Variants in GPC6 observed in about 807,000 individuals in gnomAD.
The protein encoded by GPC6 is glypican 6.
Under a neutral mutation model 55.2 loss-of-function variants are expected in GPC6, and 14 were observed. The observed-to-expected ratio is 0.25, with a 90% confidence interval of 0.17 to 0.40. The LOEUF is 0.40. Among genes scored for constraint, GPC6 ranks in the 10% least tolerant of loss-of-function variants. The pLI is 1.00. For missense variants in GPC6, 641 were observed against 708.5 expected (o/e 0.90, Z 1.08); for synonymous variants, 278 against 259.6 (o/e 1.07, Z -0.68).
intron 1 of GPC6, among the ~76,000 whole-genome samples, chr13:93,317,445 A>G (rs1336025653): frequency 6.6e-6 from 1 of 152,130 alleles, no homozygotes; most frequent in Non-Finnish European, 1.5e-5. Context: ...AGTTTGTTGG[A>G]TAACCAGGCG....
intron 2 of GPC6, among the ~76,000 whole-genome samples, chr13:93,806,042 GA>G (rs1246865164): frequency 6.6e-6 from 1 of 152,236 alleles, no homozygotes; most frequent in East Asian, 1.9e-4. Flanking sequence ...TCTCTTTGTA[GA>G]AACCTGTAAA....
chr13:93,316,650 C>A (rs767797782), intron 1 of GPC6, among the ~76,000 whole-genome samples: 2 of 151,998 alleles, frequency 1.3e-5, no homozygotes, highest in Admixed American at 6.6e-5. Flanking sequence ...AATAAAAGAA[C>A]CATCTCTTTA....
chr13:93,738,546 G>A (rs1191649182), intron 2 of GPC6, among the ~76,000 whole-genome samples: 2 of 152,062 alleles, frequency 1.3e-5, no homozygotes, highest in Non-Finnish European at 2.9e-5. Context: ...TCAAAACAGA[G>A]CCAAAGAGAT....
In GPC6 at chr13:93,528,228, C is replaced by T. The variant is rs144484899; in HGVS notation, c.161-17035C>T. 4.0e-3 allele frequency among the ~76,000 whole-genome samples: 612 copies of T among 152,252 alleles called. 3 individuals are homozygous for T. Among genetic ancestry groups the T allele is most frequent in the Non-Finnish European group, 6.7e-3 (455 of 68,014 alleles). The stretch of plus-strand genomic sequence containing the variant: ...GATCTGCTGCTATCAGGAGCAAAAA[C>T]GAGCACTTTGAAAATTAGTTTATTG... On this transcript the variant is annotated intron_variant, in intron 1 of 8. Coordinates refer to ENST00000377047, the MANE Select transcript of GPC6 (RefSeq NM_005708.5).
At chr13:93,428,331 T>C (rs1004380925) in intron 1 of GPC6, among the ~76,000 whole-genome samples, 1 of 152,152 alleles carries the variant, frequency 6.6e-6, no homozygotes, top group Non-Finnish European at 1.5e-5. Flanking sequence ...GGTATTAAAG[T>C]GTGGACACAT....
intron 3 of GPC6, among the ~76,000 whole-genome samples, chr13:93,856,587 T>C (rs553571229): frequency 4.0e-5 from 6 of 151,738 alleles, no homozygotes; most frequent in African/African-American, 1.2e-4. Context: ...ATGCAGTGGG[T>C]AGTTAGTTGG....
intron 1 of GPC6, among the ~76,000 whole-genome samples, chr13:93,465,694 C>T (rs956067742): frequency 4.6e-5 from 7 of 152,132 alleles, no homozygotes; most frequent in African/African-American, 1.2e-4. Context: ...TGTTATTATT[C>T]GTGTGTGCAT....
At chr13:94,092,575 A>G (rs1885527427) in intron 4 of GPC6, among the ~76,000 whole-genome samples, 1 of 152,078 alleles carries the variant, frequency 6.6e-6, no homozygotes, top group Non-Finnish European at 1.5e-5. Flanking sequence ...GGTATTGTGA[A>G]TGGTGCTTTA....
At chr13:94,081,980 A>G (rs7994749) in intron 4 of GPC6, among the ~76,000 whole-genome samples, 4,220 of 151,810 alleles carry the variant, frequency 0.028, 194 homozygotes, top group African/African-American at 0.097. Flanking sequence ...AGCTGGGACT[A>G]CAGGCATCCA....
chr13:93,353,091 T>A (rs929492028), intron 1 of GPC6, among the ~76,000 whole-genome samples: 8 of 152,178 alleles, frequency 5.3e-5, no homozygotes, highest in African/African-American at 1.9e-4. Context: ...TTTGCTGATG[T>A]ATTGTATATG....
chr13:93,338,142 A>G (rs1281998783), intron 1 of GPC6, among the ~76,000 whole-genome samples: 1 of 152,202 alleles, frequency 6.6e-6, no homozygotes, highest in Non-Finnish European at 1.5e-5. Flanking sequence ...TTCTATACCT[A>G]TAAATCAGCA....
At chr13:93,580,618 ATGGG>A (rs1566434075) in intron 2 of GPC6, among the ~76,000 whole-genome samples, 12 of 152,184 alleles carry the variant, frequency 7.9e-5, no homozygotes, top group Admixed American at 2.0e-4. Flanking sequence ...AGGTGTCTTT[ATGGG>A]GCTTATATTT....
chr13:94,335,753 T>C (rs1378516062), intron 6 of GPC6, among the ~76,000 whole-genome samples: 2 of 152,194 alleles, frequency 1.3e-5, no homozygotes, highest in Non-Finnish European at 2.9e-5. Context: ...AAAGACCTTT[T>C]GGGAATCAAC....
At chr13:93,405,908 C>A (rs1876273096) in intron 1 of GPC6, among the ~76,000 whole-genome samples, 1 of 152,102 alleles carries the variant, frequency 6.6e-6, no homozygotes, top group African/African-American at 2.4e-5. Context: ...GCCACAGGGC[C>A]AATTAGACTG....
At chr13:93,952,600 C>A (rs1879298692) in intron 3 of GPC6, among the ~76,000 whole-genome samples, 1 of 151,266 alleles carries the variant, frequency 6.6e-6, no homozygotes, top group Non-Finnish European at 1.5e-5. Flanking sequence ...GTGATGTATA[C>A]ATTTATGTAT....
chr13:94,193,607 A>G (rs530892425), intron 4 of GPC6, among the ~76,000 whole-genome samples: 15 of 152,258 alleles, frequency 9.9e-5, no homozygotes, highest in African/African-American at 3.1e-4. Flanking sequence ...AGCGTGCGAC[A>G]TGCCAGAAGG....
At chr13:93,405,493 T>C (rs1444438078) in intron 1 of GPC6, among the ~76,000 whole-genome samples, 1 of 152,214 alleles carries the variant, frequency 6.6e-6, no homozygotes, top group Non-Finnish European at 1.5e-5. Flanking sequence ...TAAAAAGTCA[T>C]TTCCAGGTGG....
chr13:93,841,156 C>T (rs1244123282), intron 3 of GPC6, among the ~76,000 whole-genome samples: 1 of 152,124 alleles, frequency 6.6e-6, no homozygotes, highest in Admixed American at 6.6e-5. Flanking sequence ...GTTACAAGGA[C>T]ATTCCCTGGT....
intron 4 of GPC6, among the ~76,000 whole-genome samples, chr13:94,060,770 G>T (rs191877121): frequency 9.2e-5 from 14 of 152,176 alleles, no homozygotes; most frequent in Non-Finnish European, 1.5e-4. Flanking sequence ...TAATATTTAG[G>T]GGTAATAATA....
Sources: allele counts gnomAD v4.1 joint callset (sites outside exome capture counted in the v4.1 genomes callset), GRCh38; gene constraint gnomAD v4.1.1; transcripts MANE v1.5; gene names NCBI Gene and HGNC (gene_info 2026-07-23, HGNC 2026-07-21).